TMEM272: variants seen among roughly 807,000 people sequenced by gnomAD.
TMEM272 encodes the protein transmembrane protein 272.
Under a neutral mutation model 3.7 loss-of-function variants are expected in TMEM272, and 8 were observed. The observed-to-expected ratio is 2.17, with a 90% CI of 1.27 to 3.91. The LOEUF is 3.91. TMEM272 is among the 30% of genes most tolerant of loss of function. The pLI is 0.00. For missense variants in TMEM272, 166 were observed against 91.5 expected (o/e 1.81, Z -3.32); for synonymous variants, 63 against 39.8 (o/e 1.58, Z -2.20).
At chr13:51,890,834 A>G in the TMEM272 span, among the ~76,000 whole-genome samples, 8 of 152,194 alleles carry the variant, frequency 5.3e-5, no homozygotes, top group African/African-American at 1.9e-4. Context: ...CTATAAAACT[A>G]AAGTCGTCTG....
At chr13:51,856,185 C>T in the TMEM272 span, among the ~76,000 whole-genome samples, 58 of 152,196 alleles carry the variant, frequency 3.8e-4, no homozygotes, top group African/African-American at 1.4e-3. Flanking sequence ...ACAGGACTGG[C>T]TGAGTTATAA....
intron 2 of TMEM272, 146 bp downstream of exon 2, chr13:51,838,327 C>T: frequency 1.5e-6 from 1 of 661,106 alleles, no homozygotes; most frequent in Middle Eastern, 3.1e-4. Flanking sequence ...GAGGGCCGGA[C>T]ACTGTCTTCC....
chr13:51,899,267 G>C, the TMEM272 span, among the ~76,000 whole-genome samples: 1 of 152,058 alleles, frequency 6.6e-6, no homozygotes, highest in African/African-American at 2.4e-5. Context: ...ATAGCATCTA[G>C]AAGAAAAAAT....
At chr13:51,851,434 G>A in the TMEM272 span, among the ~76,000 whole-genome samples, 7 of 116,466 alleles carry the variant, frequency 6.0e-5, no homozygotes, top group African/African-American at 1.6e-4. Context: ...AGAAGAAGAC[G>A]CCCTACATTT....
chr13:51,910,761 C>T, the TMEM272 span: 6 of 356,734 alleles, frequency 1.7e-5, no homozygotes, highest in Admixed American at 7.9e-5. Flanking sequence ...GAGTCAGCTG[C>T]GGGGGAATCT....
chr13:51,820,949 AAGCC>A, intron 4 of TMEM272, among the ~76,000 whole-genome samples: 1 of 152,160 alleles, frequency 6.6e-6, no homozygotes. Context: ...TCAAACACAA[AAGCC>A]TCCTAAGGTT....
intron 1 of TMEM272, among the ~76,000 whole-genome samples, chr13:51,843,190 T>TC (rs1956276514): frequency 6.6e-6 from 1 of 152,214 alleles, no homozygotes; most frequent in Non-Finnish European, 1.5e-5. Context: ...AGTTGTATGT[T>TC]CCCCCTTGTG....
In TMEM272 at chr13:51,815,646, A is replaced by G. The variant is rs1956014320; in HGVS notation, c.*1105T>C. 6.6e-6 allele frequency: 1 copy of G among 152,268 alleles called. No individual in the cohort carries two copies. The highest frequency in any genetic ancestry group is 1.5e-5 in the Non-Finnish European group (1 of 68,066). 9.4% of individuals were successfully genotyped at this position (152,268 alleles called of 1,614,324 possible). A position where few individuals can be genotyped will look rare whatever the true frequency, so the allele number is the denominator to read the frequency against. On this transcript the variant is annotated 3_prime_UTR_variant, in exon 5 of 5. Coordinates refer to ENST00000629372, the MANE Select transcript of TMEM272 (RefSeq NM_001351003.2). ...CACGCACCCCTGGGCACTGCCCTAG[A>G]AACACTCATGACAGTATCTTCATAC...
the TMEM272 span, chr13:51,865,440 T>A: frequency 6.2e-7 from 1 of 1,613,504 alleles, no homozygotes; most frequent in South Asian, 1.1e-5. Flanking sequence ...AGCAGATGGA[T>A]GGGGCTTGCC....
chr13:51,861,005 C>T, the TMEM272 span, among the ~76,000 whole-genome samples: 1 of 151,886 alleles, frequency 6.6e-6, no homozygotes, highest in African/African-American at 2.4e-5. Context: ...GAATATTATT[C>T]AGTCATAAAC....
chr13:51,855,538 T>TTAA, the TMEM272 span, among the ~76,000 whole-genome samples: 4 of 151,866 alleles, frequency 2.6e-5, no homozygotes, highest in Non-Finnish European at 5.9e-5. Context: ...ATAACTACAA[T>TTAA]TAATAAATGG....
At chr13:51,878,186 T>C in the TMEM272 span, among the ~76,000 whole-genome samples, 2 of 152,068 alleles carry the variant, frequency 1.3e-5, no homozygotes, top group Non-Finnish European at 2.9e-5. Context: ...ATCCCAGCAC[T>C]TTGGGAGGCC....
Position 51,813,539 on chromosome 13 carries a change from A to G in TMEM272, c.*3212T>C, listed in dbSNP as rs1331259017. 5 of 329,238 alleles carry G rather than the reference A, an allele frequency of 1.5e-5. No homozygotes were observed. The highest frequency in any genetic ancestry group is 2.7e-5 in the Non-Finnish European group (5 of 182,880). The allele number at this position is 329,238 out of a possible 1,614,324, so 20.4% of individuals were successfully genotyped here. A position where few individuals can be genotyped will look rare whatever the true frequency, so the allele number is the denominator to read the frequency against. ...TGGTGACAACCAGGATGGGCCTGAC[A>G]TAAGCCAGTCCAGGCTGTATGTGTG... is the stretch of plus-strand genomic sequence containing the variant. On this transcript the variant is annotated 3_prime_UTR_variant, in exon 5 of 5. Transcript: ENST00000629372.
chr13:51,925,176 C>T, the TMEM272 span, among the ~76,000 whole-genome samples: 1 of 152,188 alleles, frequency 6.6e-6, no homozygotes, highest in East Asian at 1.9e-4. Flanking sequence ...AACTCCACTG[C>T]CTTCGTCTAG....
chr13:51,844,453 C>T (rs1000541875), intron 1 of TMEM272, among the ~76,000 whole-genome samples: 4 of 152,148 alleles, frequency 2.6e-5, no homozygotes, highest in Admixed American at 6.5e-5. Context: ...AGGACACAGT[C>T]CTTTCTTATC....
chr13:51,859,971 C>T, the TMEM272 span, among the ~76,000 whole-genome samples: 1 of 151,940 alleles, frequency 6.6e-6, no homozygotes, highest in East Asian at 1.9e-4. Flanking sequence ...TAGCTCACTG[C>T]AGCTCGACCT....
At chr13:51,881,546 G>A in the TMEM272 span, among the ~76,000 whole-genome samples, 7 of 152,162 alleles carry the variant, frequency 4.6e-5, no homozygotes, top group Non-Finnish European at 1.0e-4. Context: ...AAAAACAGCT[G>A]CTGTGGTCTG....
chr13:51,900,268 A>G, the TMEM272 span, among the ~76,000 whole-genome samples: 1 of 152,240 alleles, frequency 6.6e-6, no homozygotes, highest in Non-Finnish European at 1.5e-5. Context: ...GGAGTCCAGA[A>G]TAAATTAACT....
At chr13:51,885,053 T>C in the TMEM272 span, among the ~76,000 whole-genome samples, 3 of 152,146 alleles carry the variant, frequency 2.0e-5, no homozygotes. Context: ...AAGTCAGTCA[T>C]GGTAATTCTA....
Sources: allele counts gnomAD v4.1 joint callset (sites outside exome capture counted in the v4.1 genomes callset), GRCh38; gene constraint gnomAD v4.1.1; transcripts MANE v1.5; gene names NCBI Gene and HGNC (gene_info 2026-07-23, HGNC 2026-07-21).